Variants in ERBB4 observed in about 807,000 individuals in gnomAD.
ERBB4 encodes receptor tyrosine-protein kinase erbB-4.
Under a neutral mutation model 158.0 loss-of-function variants are expected in ERBB4, and 42 were observed. That is an observed-to-expected ratio of 0.27 (90% CI 0.21 to 0.34). The LOEUF (loss-of-function observed/expected upper bound fraction) is 0.34, where lower values mean the gene tolerates loss of function less well. ERBB4 is among the 10% of genes least tolerant of loss of function. The pLI is 1.00. For missense variants in ERBB4, 1,333 were observed against 1,624.1 expected, an observed-to-expected ratio of 0.82 and a Z score of 3.08; for synonymous variants, 583 against 558.7, an observed-to-expected ratio of 1.04 and a Z score of -0.61.
At chr2:212,169,083 T>C (rs999226749) in intron 1 of ERBB4, among the ~76,000 whole-genome samples, 4 of 152,162 alleles carry the variant, frequency 2.6e-5, no homozygotes, top group Non-Finnish European at 4.4e-5. Flanking sequence ...AATATGCAAA[T>C]CATTGCTTTC....
At chr2:212,413,344 T>C (rs569483725) in intron 1 of ERBB4, among the ~76,000 whole-genome samples, 39 of 151,470 alleles carry the variant, frequency 2.6e-4, no homozygotes, top group African/African-American at 9.5e-4. Flanking sequence ...TTCTACTCTC[T>C]TATTTACTTG....
chr2:211,823,933 G>A (rs2105949590), intron 3 of ERBB4, among the ~76,000 whole-genome samples: 1 of 152,146 alleles, frequency 6.6e-6, no homozygotes, highest in Non-Finnish European at 1.5e-5. Context: ...ATGTAAAATT[G>A]TGTATGAAAG....
At chr2:212,026,937 A>G (rs1040957185) in intron 2 of ERBB4, among the ~76,000 whole-genome samples, 3 of 151,964 alleles carry the variant, frequency 2.0e-5, no homozygotes, top group African/African-American at 7.2e-5. Flanking sequence ...TTCCATAAAA[A>G]TAACATACTA....
At chr2:211,395,313 CAGAT>C (rs1481813639) in intron 25 of ERBB4, among the ~76,000 whole-genome samples, 1 of 151,998 alleles carries the variant, frequency 6.6e-6, no homozygotes, top group Admixed American at 6.6e-5. Context: ...GTTTATTTTA[CAGAT>C]AGAGACTCTG....
intron 7 of ERBB4, among the ~76,000 whole-genome samples, chr2:211,720,530 A>G (rs1004178158): frequency 1.3e-5 from 2 of 152,210 alleles, no homozygotes; most frequent in Non-Finnish European, 2.9e-5. Flanking sequence ...TTTTGTGTCC[A>G]GCCTGTTGAA....
chr2:211,879,944 A>G (rs1016564637), intron 3 of ERBB4, among the ~76,000 whole-genome samples: 1 of 151,226 alleles, frequency 6.6e-6, no homozygotes, highest in Non-Finnish European at 1.5e-5. Flanking sequence ...AGAAGTATGA[A>G]AGTTATATAT....
At chr2:211,636,185 T>G (rs1336283228) in intron 16 of ERBB4, among the ~76,000 whole-genome samples, 1 of 152,028 alleles carries the variant, frequency 6.6e-6, no homozygotes, top group South Asian at 2.1e-4. Context: ...ACAGGGATTT[T>G]TTTTTGTAAA....
intron 2 of ERBB4, among the ~76,000 whole-genome samples, chr2:212,086,596 G>C (rs1379853172): frequency 6.6e-6 from 1 of 151,856 alleles, no homozygotes; most frequent in Admixed American, 6.6e-5. Flanking sequence ...TTTTTGCCCA[G>C]TATCAGACAA....
chr2:212,029,504 T>C (rs905105175), intron 2 of ERBB4, among the ~76,000 whole-genome samples: 1 of 152,184 alleles, frequency 6.6e-6, no homozygotes, highest in African/African-American at 2.4e-5. Flanking sequence ...TCTGTGTATG[T>C]TTTTATAAGA....
intron 2 of ERBB4, among the ~76,000 whole-genome samples, chr2:211,977,400 A>G (rs941785284): frequency 6.6e-6 from 1 of 152,026 alleles, no homozygotes; most frequent in Non-Finnish European, 1.5e-5. Flanking sequence ...GTCCTTTGCT[A>G]AAACAAATCT....
intron 20 of ERBB4, among the ~76,000 whole-genome samples, chr2:211,517,799 C>A (rs1282007361): frequency 6.6e-6 from 1 of 152,096 alleles, no homozygotes; most frequent in Non-Finnish European, 1.5e-5. Flanking sequence ...GCCATTTCCA[C>A]CAAGGTAAAT....
At chr2:211,544,295 A>G (rs1387960619) in intron 20 of ERBB4, among the ~76,000 whole-genome samples, 1 of 152,040 alleles carries the variant, frequency 6.6e-6, no homozygotes, top group African/African-American at 2.4e-5. Flanking sequence ...CCTTTGGTAT[A>G]TTTTTATACT....
intron 12 of ERBB4, 116 bp from the exon 13 acceptor site, chr2:211,679,300 A>C: frequency 3.5e-6 from 4 of 1,146,132 alleles, no homozygotes; most frequent in Non-Finnish European, 5.1e-6. Context: ...ATGGCAAATG[A>C]CTTTGGTGGC....
intron 1 of ERBB4, among the ~76,000 whole-genome samples, chr2:212,253,861 C>A (rs1324245769): frequency 2.6e-5 from 4 of 152,086 alleles, no homozygotes; most frequent in Admixed American, 6.6e-5. Context: ...CATGGTGTAG[C>A]CTACTACACA....
chr2:212,512,375 T>A (rs529604729), intron 1 of ERBB4, among the ~76,000 whole-genome samples: 1 of 150,688 alleles, frequency 6.6e-6, no homozygotes, highest in South Asian at 2.1e-4. Context: ...AAAAAACAAA[T>A]ATGATACAGG....
At chr2:212,147,185 T>TTC (rs2080708974) in intron 1 of ERBB4, among the ~76,000 whole-genome samples, 1 of 138,770 alleles carries the variant, frequency 7.2e-6, no homozygotes, top group East Asian at 2.0e-4. Context: ...TTTTTTTTTT[T>TTC]TGTAGAGATG....
At chr2:212,499,166 T>G (rs2106232704) in intron 1 of ERBB4, among the ~76,000 whole-genome samples, 1 of 152,208 alleles carries the variant, frequency 6.6e-6, no homozygotes, top group Middle Eastern at 3.4e-3. Context: ...GAAACCGCAT[T>G]AAATGCTACA....
intron 1 of ERBB4, among the ~76,000 whole-genome samples, chr2:212,476,315 C>CTAGTCTATCACTATCACTAG (rs1689391291): frequency 6.6e-6 from 1 of 152,104 alleles, no homozygotes; most frequent in African/African-American, 2.4e-5. Context: ...ACTTGGCTTG[C>CTAGTCTATCACTATCACTAG]TATTCTATCA....
At chr2:212,154,067 G>T (rs905631148) in intron 1 of ERBB4, among the ~76,000 whole-genome samples, 6 of 152,014 alleles carry the variant, frequency 3.9e-5, no homozygotes, top group African/African-American at 1.4e-4. Context: ...CAGCTAGAAA[G>T]GAATCTCTTT....
Sources: allele counts gnomAD v4.1 joint callset (sites outside exome capture counted in the v4.1 genomes callset), GRCh38; gene constraint gnomAD v4.1.1; transcripts MANE v1.5; gene names NCBI Gene and HGNC (gene_info 2026-07-23, HGNC 2026-07-21).